The following GBF1 variants were observed in gnomAD, a reference collection of about 807,000 sequenced individuals.
The protein encoded by GBF1 is golgi brefeldin A resistant guanine nucleotide exchange factor 1, also known as Golgi-specific brefeldin A-resistance guanine nucleotide exchange factor 1.
In GBF1, 114 loss-of-function variants were observed where a neutral mutation model predicts 210.5. The ratio of observed to expected loss-of-function variants is 0.54; its 90% CI spans 0.47 to 0.63. GBF1 has a LOEUF of 0.63. Among genes scored for constraint, GBF1 ranks in the 30% least tolerant of loss-of-function variants. The pLI is 0.00. For missense variants in GBF1, 1,851 were observed against 2,357.7 expected (o/e 0.79, Z 4.45); for synonymous variants, 850 against 889.2 (o/e 0.96, Z 0.78).
At chr10:102,241,805 G>A (rs1372947379), upstream of GBF1, among the ~76,000 whole-genome samples, 5 of 152,276 alleles carry the variant, frequency 3.3e-5, no homozygotes, top group Non-Finnish European at 7.3e-5. The surrounding 1 kb of genome is among the most constrained non-coding windows in gnomAD (Gnocchi z 6.7). Context: ...GTGGGCGAGA[G>A]TAGAGTGGTC....
At chr10:102,256,918 G>T (rs1479507270) in intron 1 of GBF1, among the ~76,000 whole-genome samples, 1 of 152,208 alleles carries the variant, frequency 6.6e-6, no homozygotes, top group Non-Finnish European at 1.5e-5. Context: ...TGCGCCTGAA[G>T]TCCCTGCTAC....
chr10:102,262,024 A>T (rs2073300589), intron 3 of GBF1, among the ~76,000 whole-genome samples: 1 of 152,200 alleles, frequency 6.6e-6, no homozygotes, highest in Non-Finnish European at 1.5e-5. Flanking sequence ...AACTGGGATT[A>T]TAGGCGTGTG....
intron 3 of GBF1, among the ~76,000 whole-genome samples, chr10:102,302,908 ACT>A (rs2077508776): frequency 6.6e-6 from 1 of 150,772 alleles, no homozygotes; most frequent in Non-Finnish European, 1.5e-5. Context: ...AGGTTGAGAA[ACT>A]CTGGTACAAA....
chr10:102,381,823 GAAAAAAAAAA>G lies in GBF1; in HGVS notation c.5303-216_5303-207del, dbSNP rs386372282. Among the ~76,000 whole-genome samples the G allele has an allele frequency of 3.4e-3, 65 of 19,118 alleles. 1 individual carries two copies. In the Middle Eastern group the frequency reaches 0.19, roughly 57 times the overall value. 12.5% of individuals were successfully genotyped at this position (19,118 alleles called of 152,430 possible). ...CTGGGTGATAGTGAGACCCTGTCGC[GAAAAAAAAAA>G]AAAAAAAAAAAAAAAAGAGTAGCCT... On this transcript the variant is annotated intron_variant, in intron 39 of 39. Coordinates refer to ENST00000369983, the MANE Select transcript of GBF1 (RefSeq NM_001377137.1).
the GBF1 span, among the ~76,000 whole-genome samples, chr10:102,235,516 AAAGG>A: frequency 1.3e-5 from 2 of 152,202 alleles, no homozygotes; most frequent in Non-Finnish European, 2.9e-5. Flanking sequence ...TTCATCTCCG[AAAGG>A]AAGTTCATGA....
intron 3 of GBF1, among the ~76,000 whole-genome samples, chr10:102,280,120 C>T (rs1322414122): frequency 6.8e-6 from 1 of 146,230 alleles, no homozygotes; most frequent in African/African-American, 2.6e-5. Context: ...GAGTCCCTGT[C>T]TTAAAAAAAA....
intron 3 of GBF1, among the ~76,000 whole-genome samples, chr10:102,277,668 C>T (rs111409433): frequency 0.051 from 7,699 of 152,194 alleles, 386 homozygotes; most frequent in African/African-American, 0.13. Flanking sequence ...CGTGAGCCAC[C>T]GCACCCAGCC....
At chr10:102,249,392 G>A (rs1201334552) in intron 1 of GBF1, among the ~76,000 whole-genome samples, 2 of 152,130 alleles carry the variant, frequency 1.3e-5, no homozygotes, top group Non-Finnish European at 2.9e-5. Context: ...CCTTGTAAAC[G>A]GTTTTTGAGA....
Position 102,365,532 on chromosome 10 carries a change from G to C in GBF1, c.2242G>C (p.Asp748His). 6.2e-7 allele frequency: 1 copy of C among 1,614,204 alleles called. No homozygotes were observed. The highest frequency in any genetic ancestry group is 2.2e-5 in the East Asian group (1 of 44,892). Residue 748 changes from aspartate to histidine, a missense_variant, in exon 18 of 40, where the codon GAC becomes CAC. Transcript: ENST00000369983. ...GTGGCTCCGAGAGAACCCTCGGCTGGACAAGAAGATGATTGGAGAGTTTGT... is the reference window on the plus strand; with the variant it reads ...GTGGCTCCGAGAGAACCCTCGGCTGCACAAGAAGATGATTGGAGAGTTTGT... ...AQWLRENPRLDKKMIGEFVSD... is the reference protein window; with the variant it reads ...AQWLRENPRLHKKMIGEFVSD...
At position 102,366,533 on chromosome 10, in the gene GBF1, C is replaced by T; in HGVS notation, c.2433+27C>T. The T allele has an allele frequency of 1.9e-6, 3 of 1,609,454 alleles. No individual in the cohort carries two copies. Among genetic ancestry groups the T allele is most frequent in the Non-Finnish European group, 2.5e-6 (3 of 1,176,848 alleles). ...TGAGTTTGAGTGTCAGGGGCTGAGC[C>T]CAGGATCCAAGGTCAGTTTGACTGA... On this transcript the variant is annotated intron_variant, in intron 19 of 39. Transcript: ENST00000369983. This position sits in a 1 kb window ranked among gnomAD's most constrained non-coding sequence, Gnocchi z 4.0.
intron 3 of GBF1, among the ~76,000 whole-genome samples, chr10:102,265,954 A>C (rs984581102): frequency 6.6e-6 from 1 of 151,966 alleles, no homozygotes; most frequent in African/African-American, 2.4e-5. Context: ...ACTAAGGTGG[A>C]GGGCCGGGTG....
At chr10:102,296,997 G>A (rs1314129662) in intron 3 of GBF1, among the ~76,000 whole-genome samples, 3 of 150,786 alleles carry the variant, frequency 2.0e-5, no homozygotes, top group Non-Finnish European at 2.9e-5. Flanking sequence ...GTGAGCCTAC[G>A]TCGCACTACT....
At position 102,362,671 on chromosome 10, in the gene GBF1, G is replaced by A. The variant is rs750912683; in HGVS notation, c.1876+7G>A. 2.2e-5 allele frequency: 36 copies of A among 1,609,198 alleles called. No homozygotes were observed. The highest frequency in any genetic ancestry group is 3.0e-5 in the Non-Finnish European group (35 of 1,175,730). On this transcript the variant is annotated splice_region_variant and intron_variant, in intron 15 of 39. Transcript: ENST00000369983. ...ACCCGAGAAGCTAGCAATAGTGAGA[G>A]GCATTTCTTTCTTTGATGAACCCAG... is the stretch of plus-strand genomic sequence containing the variant.
chr10:102,240,537 G>A (rs2070507068), upstream of GBF1, among the ~76,000 whole-genome samples: 1 of 152,202 alleles, frequency 6.6e-6, no homozygotes, highest in South Asian at 2.1e-4. Flanking sequence ...CTGGGCAGGC[G>A]CTGCTGGGTA....
chr10:102,352,430 C>G, intron 6 of GBF1, 28 bp from the exon 7 acceptor site: 1 of 1,497,382 alleles, frequency 6.7e-7, no homozygotes, highest in Non-Finnish European at 9.3e-7. Context: ...AGTAATGACA[C>G]CTGTGTTATT....
chr10:102,369,366 A>G lies in GBF1; in HGVS notation c.3129A>G (p.Leu1043=), dbSNP rs143639148. ...EAMLQLFRAQ[L]LPKAMIEVED... ...TGCTGCAGCTCTTCCGAGCCCAACT[A>G]CTGCCCAAGGCTATGATAGAGGTAA... The change falls in exon 24 of 40, where the codon CTA becomes CTG. Residue 1043 remains leucine, a synonymous_variant. Transcript: ENST00000369983. 1 of 1,613,336 alleles carries G rather than the reference A, an allele frequency of 6.2e-7. No individual in the cohort carries two copies. The highest frequency in any genetic ancestry group is 1.3e-5 in the African/African-American group (1 of 74,924).
chr10:102,341,278 C>T (rs898076848), intron 3 of GBF1, among the ~76,000 whole-genome samples: 3 of 152,132 alleles, frequency 2.0e-5, no homozygotes, highest in East Asian at 1.9e-4. Context: ...ATACTTGAAT[C>T]GCTTAAGTAA....
At position 102,376,704 on chromosome 10, in the gene GBF1, T is replaced by G. The variant is rs1340403556; in HGVS notation, c.4192T>G (p.Ser1398Ala). ...TCTGCTTAAGTGTGTGGAATCGCTG[T>G]CCTTCATTGTGCGTGATGCTGCCCA... Reference protein sequence around the residue: ...KSLLKCVESLSFIVRDAAHIT... With the variant: ...KSLLKCVESLAFIVRDAAHIT... Residue 1398 changes from serine (S) to alanine (A), a missense_variant, in exon 32 of 40, where the codon TCC becomes GCC. Around this residue, in one of 3 missense-constraint regions of GBF1, gnomAD observed 967 missense variants for 1,247.7 expected, o/e 0.78. Coordinates refer to ENST00000369983, the MANE Select transcript of GBF1 (RefSeq NM_001377137.1). 5.0e-6 allele frequency: 8 copies of G among 1,613,566 alleles called. No homozygotes were observed. In the South Asian group the frequency reaches 7.7e-5, roughly 16 times the overall value.
intron 3 of GBF1, among the ~76,000 whole-genome samples, chr10:102,320,330 T>C (rs2056282230): frequency 1.3e-5 from 2 of 152,174 alleles, no homozygotes; most frequent in African/African-American, 4.8e-5. Flanking sequence ...CTGGAGTTCT[T>C]ACAATTTCTT....
Sources: allele counts gnomAD v4.1 joint callset (sites outside exome capture counted in the v4.1 genomes callset), GRCh38; gene constraint gnomAD v4.1.1; regional missense constraint gnomAD v4.1.1; non-coding constraint Gnocchi (gnomAD v3.1); transcripts MANE v1.5; gene names NCBI Gene and HGNC (gene_info 2026-07-23, HGNC 2026-07-21).